Variants in DNAH17 observed in about 807,000 individuals in gnomAD.
The protein encoded by DNAH17 is dynein axonemal heavy chain 17.
DNAH17 carries 376 observed loss-of-function variants against 485.6 expected under a neutral mutation model. The ratio of observed to expected loss-of-function variants is 0.77; its 90% CI spans 0.71 to 0.84. DNAH17 has a LOEUF of 0.84. Ranked by LOEUF, DNAH17 falls within the 40% of genes least tolerant of loss-of-function variation. The pLI, the probability that DNAH17 is intolerant of heterozygous loss-of-function variation, is 0.00. For synonymous variants in DNAH17, 3,031 were observed against 2,405.9 expected (o/e 1.26, Z -7.60); for missense variants, 6,370 against 5,839.3 (o/e 1.09, Z -2.96).
chr17:78,441,524 A>C (rs962074828), intron 71 of DNAH17, among the ~76,000 whole-genome samples: 1 of 152,128 alleles, frequency 6.6e-6, no homozygotes, highest in Non-Finnish European at 1.5e-5. Context: ...GAAGGAAGGA[A>C]GTTCAGATTA....
At chr17:78,547,588 TTTC>T (rs1341631060) in intron 16 of DNAH17, among the ~76,000 whole-genome samples, 2 of 151,460 alleles carry the variant, frequency 1.3e-5, no homozygotes, top group East Asian at 3.9e-4. Context: ...TTGAGAAAAT[TTTC>T]TTCTATTACA....
At chr17:78,434,335 G>T in intron 74 of DNAH17, 115 bp from the exon 75 acceptor site, 1 of 956,686 alleles carries the variant, frequency 1.0e-6, no homozygotes, top group Non-Finnish European at 1.5e-6. Flanking sequence ...GGTGGGGGCG[G>T]TGGGGGGTAC....
chr17:78,523,180 G>C (rs796621754), intron 25 of DNAH17, among the ~76,000 whole-genome samples: 23 of 150,220 alleles, frequency 1.5e-4, no homozygotes, highest in African/African-American at 5.1e-4. Context: ...ATTTGAGATG[G>C]AGTCTCACTC....
chr17:78,485,833 T>C (rs910408793), intron 46 of DNAH17, 76 bp from the exon 47 acceptor site: 6 of 1,580,920 alleles, frequency 3.8e-6, no homozygotes, highest in African/African-American at 2.7e-5. Context: ...CAGGCCATGT[T>C]CTACCGAACA....
Position 78,500,299 on chromosome 17 carries a change from G to C in DNAH17, c.5640+6C>G, listed in dbSNP as rs374795613. 6.2e-7 allele frequency: 1 copy of C among 1,608,332 alleles called. No homozygotes were observed. On this transcript the variant is annotated splice_donor_region_variant and intron_variant, in intron 36 of 80. Coordinates refer to ENST00000389840, the MANE Select transcript of DNAH17 (RefSeq NM_173628.4). ...TGGGTCCCTCCTCCGGACCCCGGCC[G>C]CGTACCTTGTAGTCCATCTGCTCGG... is the stretch of plus-strand genomic sequence containing the variant.
chr17:78,463,310 A>G (rs2088235845), intron 56 of DNAH17, among the ~76,000 whole-genome samples: 1 of 152,210 alleles, frequency 6.6e-6, no homozygotes, highest in Admixed American at 6.5e-5. Context: ...GCTTATTATC[A>G]TTATCTCTGA....
intron 77 of DNAH17, 53 bp from the exon 78 acceptor site, chr17:78,427,161 CACTGCA>C: frequency 1.3e-6 from 2 of 1,539,758 alleles, no homozygotes; most frequent in South Asian, 2.4e-5. Context: ...CCACCCCACC[CACTGCA>C]GGGTCAGGGA....
chr17:78,468,344 G>C (rs983935877), intron 55 of DNAH17, among the ~76,000 whole-genome samples: 1 of 152,110 alleles, frequency 6.6e-6, no homozygotes, highest in Non-Finnish European at 1.5e-5. Flanking sequence ...GTGGATTCTG[G>C]TATCCATGGC....
intron 16 of DNAH17, among the ~76,000 whole-genome samples, chr17:78,549,851 G>T (rs2091858934): frequency 6.6e-6 from 1 of 152,166 alleles, no homozygotes; most frequent in African/African-American, 2.4e-5. Flanking sequence ...CCCTGCACCT[G>T]CTGCGGCCCC....
chr17:78,444,533 C>T, intron 71 of DNAH17, 71 bp downstream of exon 71: 1 of 1,434,626 alleles, frequency 7.0e-7, no homozygotes, highest in South Asian at 1.4e-5. Flanking sequence ...GAGTCTAGCA[C>T]AGCCGCTCGG....
rs575532975 is a variant in DNAH17 at position 78,514,930 on chromosome 17, G to A, written c.3957C>T (p.Asp1319=). ...MDIDCKKFAK[D]MRSLDKEMKT... is the part of the protein sequence containing the mutation. ...TCATCTCCTTGTCCAAAGACCTCAT[G>A]TCCTTGGCAAACTTCTTACAATCTA... The change falls in exon 26 of 81, where the codon GAC becomes GAT. Residue 1319 remains aspartate, a synonymous_variant. Transcript: ENST00000389840. The A allele has an allele frequency of 1.2e-5, 20 of 1,614,054 alleles. No homozygotes were observed. The South Asian group carries it at 1.9e-4, about 15-fold the overall frequency.
At chr17:78,535,430 C>T (rs969772110) in intron 19 of DNAH17, among the ~76,000 whole-genome samples, 2 of 152,186 alleles carry the variant, frequency 1.3e-5, no homozygotes, top group Non-Finnish European at 2.9e-5. Context: ...CTTCTCAGGT[C>T]ATTAGCTGTT....
intron 14 of DNAH17, among the ~76,000 whole-genome samples, chr17:78,557,636 CAAAAAAAAAAAAA>C (rs34251460): frequency 1.4e-4 from 4 of 29,016 alleles, no homozygotes; most frequent in Non-Finnish European, 2.8e-4. Context: ...GAGACTGTCT[CAAAAAAAAAAAAA>C]AAAAAAAAAA....
In DNAH17 at chr17:78,502,876, C is replaced by T. The variant is rs752234647; in HGVS notation, c.5082+10G>A. ...CACGAGGCGCCGCCGAGCCCCCACC[C>T]GCCTCAGACCTGGGCTGGGTAGTCC... On this transcript the variant is annotated intron_variant, in intron 32 of 80. Coordinates refer to ENST00000389840, the MANE Select transcript of DNAH17 (RefSeq NM_173628.4). 35 of 1,611,070 alleles carry T rather than the reference C, an allele frequency of 2.2e-5. No homozygotes were observed. Among genetic ancestry groups the T allele is most frequent in the Non-Finnish European group, 2.6e-5 (31 of 1,178,728 alleles).
chr17:78,529,895 A>G (rs929553363), intron 21 of DNAH17, among the ~76,000 whole-genome samples: 2 of 152,134 alleles, frequency 1.3e-5, no homozygotes, highest in African/African-American at 4.8e-5. Context: ...CCCAAGCCTC[A>G]GCAACTTAGC....
At chr17:78,537,187 A>AAAGG (rs1555686712) in intron 19 of DNAH17, 112 bp downstream of exon 19, 6 of 1,070,512 alleles carry the variant, frequency 5.6e-6, no homozygotes, top group Non-Finnish European at 6.4e-6. Flanking sequence ...CAAAAAAAAA[A>AAAGG]AAAGAAAAAA....
At chr17:78,442,171 G>T (rs140601452) in intron 71 of DNAH17, among the ~76,000 whole-genome samples, 170 of 152,292 alleles carry the variant, frequency 1.1e-3, no homozygotes, top group African/African-American at 3.8e-3. Context: ...AGAACTGCTC[G>T]TCCCTGGGCA....
chr17:78,564,111 C>T (rs2092217702), intron 11 of DNAH17, among the ~76,000 whole-genome samples: 1 of 152,090 alleles, frequency 6.6e-6, no homozygotes, highest in Non-Finnish European at 1.5e-5. Context: ...GGGTTTCTTC[C>T]AGGACCTCCT....
At chr17:78,446,068 G>A (rs918468884) in intron 69 of DNAH17, among the ~76,000 whole-genome samples, 3 of 149,914 alleles carry the variant, frequency 2.0e-5, no homozygotes, top group Non-Finnish European at 4.4e-5. Flanking sequence ...TAGCTACTCG[G>A]GATGCTGAGG....
Sources: allele counts gnomAD v4.1 joint callset (sites outside exome capture counted in the v4.1 genomes callset), GRCh38; gene constraint gnomAD v4.1.1; transcripts MANE v1.5; gene names NCBI Gene and HGNC (gene_info 2026-07-23, HGNC 2026-07-21).